The following ZNF75A variants were observed in gnomAD, a reference collection of about 807,000 sequenced individuals.
ZNF75A encodes the protein zinc finger protein 75A.
Under a neutral mutation model 46.3 loss-of-function variants are expected in ZNF75A, and 36 were observed. The observed-to-expected ratio is 0.78, with a 90% CI of 0.60 to 1.03. The LOEUF is 1.03. ZNF75A is among the 50% of genes least tolerant of loss of function. The probability of loss-of-function intolerance (pLI) is 0.00; values close to 1 mark genes in which losing one functional copy is unlikely to be tolerated. For synonymous variants in ZNF75A, 234 were observed against 189.9 expected (o/e 1.23, Z -1.91); for missense variants, 595 against 551.3 (o/e 1.08, Z -0.79).
chr16:3,307,843 A>C (rs1960407764), intron 1 of ZNF75A: 2 of 152,126 alleles, frequency 1.3e-5, no homozygotes, highest in African/African-American at 2.4e-5. Context: ...AATATTTTTA[A>C]AGTGAAGGCT....
At chr16:3,313,233 A>C in intron 5 of ZNF75A, 58 bp downstream of exon 5, 1 of 1,570,486 alleles carries the variant, frequency 6.4e-7, no homozygotes, top group Non-Finnish European at 8.7e-7. Context: ...CTTACTGAGA[A>C]GGAACCCCAG....
In ZNF75A at chr16:3,317,676, A is replaced by G. The variant is rs370290011; in HGVS notation, c.1421A>G (p.His474Arg). 2.7e-5 allele frequency: 44 copies of G among 1,614,070 alleles called. No individual in the cohort carries two copies. The highest frequency in any genetic ancestry group is 3.5e-5 in the Non-Finnish European group (41 of 1,180,032). Reference protein sequence around the residue: ...GKSFSQNTNLHTHQRTHTGEK... With the variant: ...GKSFSQNTNLRTHQRTHTGEK... ...AGCTTCAGTCAAAATACAAATTTACATACACACCAAAGAACTCATACAGGA... is the reference window on the plus strand; with the variant it reads ...AGCTTCAGTCAAAATACAAATTTACGTACACACCAAAGAACTCATACAGGA... Residue 474 changes from histidine (H) to arginine (R), a missense_variant, in exon 7 of 7, where the codon CAT becomes CGT. Transcript: ENST00000669516.
At chr16:3,305,735 G>T (rs894558283) in intron 1 of ZNF75A, 92 bp downstream of exon 1, 1 of 152,276 alleles carries the variant, frequency 6.6e-6, no homozygotes, top group South Asian at 2.1e-4. Context: ...CGTAGGCGGT[G>T]GCCGCGGCGC....
At chr16:3,310,801 C>T (rs2150807221) in intron 2 of ZNF75A, 1 of 985,466 alleles carries the variant, frequency 1.0e-6, no homozygotes, top group Non-Finnish European at 1.2e-6. Context: ...GTCTCTACTG[C>T]CTTCCCTTAA....
At position 3,317,073 on chromosome 16, in the gene ZNF75A, A is replaced by G. The variant is rs761059769; in HGVS notation, c.934+51A>G. The G allele has an allele frequency of 3.8e-6, 6 of 1,562,292 alleles. No individual in the cohort carries two copies. The South Asian group carries it at 5.8e-5, about 15-fold the overall frequency. ...AATGTGCCTTGATGTGAACTTTTGCAAGGGCTTAACATTTTAAGATTTTGT... is the reference window on the plus strand; with the variant it reads ...AATGTGCCTTGATGTGAACTTTTGCGAGGGCTTAACATTTTAAGATTTTGT... On this transcript the variant is annotated intron_variant, in intron 6 of 6. Coordinates refer to ENST00000669516, the MANE Select transcript of ZNF75A (RefSeq NM_001302109.2).
At chr16:3,321,328 A>T (rs961927832), downstream of ZNF75A, among the ~76,000 whole-genome samples, 2 of 152,178 alleles carry the variant, frequency 1.3e-5, no homozygotes, top group Non-Finnish European at 2.9e-5. Flanking sequence ...TAGCAGCCTT[A>T]CCGTGGCTTC....
chr16:3,310,731 CAG>C, intron 2 of ZNF75A: 1 of 985,534 alleles, frequency 1.0e-6, no homozygotes, highest in Non-Finnish European at 1.2e-6. Context: ...AAAATCCCAA[CAG>C]AATAGCCAAG....
At chr16:3,321,491 A>G (rs1244832903), downstream of ZNF75A, among the ~76,000 whole-genome samples, 1 of 152,020 alleles carries the variant, frequency 6.6e-6, no homozygotes, top group African/African-American at 2.4e-5. Flanking sequence ...AGAACCTCAG[A>G]TATATTTTAT....
At chr16:3,306,623 A>T (rs1596384830) in intron 1 of ZNF75A, 1 of 152,064 alleles carries the variant, frequency 6.6e-6, no homozygotes, top group African/African-American at 2.4e-5. Context: ...GAGGCAGGAG[A>T]ATGGCTTCAA....
At position 3,318,324 on chromosome 16, in the gene ZNF75A, T is replaced by G. The variant is rs1410907032; in HGVS notation, c.*455T>G. On this transcript the variant is annotated 3_prime_UTR_variant, in exon 7 of 7. Transcript: ENST00000669516. ...CAAAGTTGGACATCACTTGAGTTCC[T>G]TCTTAAACTTTTCGGCAACTTCTCT... The G allele has an allele frequency of 1.0e-6, 1 of 988,688 alleles. No individual in the cohort carries two copies. Among genetic ancestry groups the G allele is most frequent in the African/African-American group, 1.7e-5 (1 of 57,278 alleles). The allele number at this position is 988,688 out of a possible 1,614,324, so 61.2% of individuals were successfully genotyped here. A position where few individuals can be genotyped will look rare whatever the true frequency, so the allele number is the denominator to read the frequency against.
rs1205251570 is a variant in ZNF75A, at chr16:3,317,871, G to A, written c.*2G>A. On this transcript the variant is annotated 3_prime_UTR_variant, in exon 7 of 7. Transcript: ENST00000669516. Reference sequence around the variant, plus strand: ...AGACACCAGAAACTCCACCTGTGAAGAGAAGCTTGTCCAGTGTCCTCATTC... The same window carrying A: ...AGACACCAGAAACTCCACCTGTGAAAAGAAGCTTGTCCAGTGTCCTCATTC... 6.3e-7 allele frequency: 1 copy of A among 1,598,774 alleles called. No individual in the cohort carries two copies. Among genetic ancestry groups the A allele is most frequent in the East Asian group, 2.2e-5 (1 of 44,648 alleles).
At chr16:3,310,620 C>T in intron 2 of ZNF75A, 1 of 950,654 alleles carries the variant, frequency 1.1e-6, no homozygotes, top group Non-Finnish European at 1.3e-6. Context: ...AGTGAGACCC[C>T]CGTCTCAAAA....
At chr16:3,323,261 C>T (rs1469684587), downstream of ZNF75A, 3 of 803,652 alleles carry the variant, frequency 3.7e-6, no homozygotes, top group South Asian at 2.6e-5. Flanking sequence ...TGAGGAAGCC[C>T]ACTGTATTTT....
downstream of ZNF75A, among the ~76,000 whole-genome samples, chr16:3,319,135 CAG>C (rs1246169307): frequency 2.0e-5 from 3 of 152,024 alleles, no homozygotes; most frequent in African/African-American, 7.3e-5. Flanking sequence ...TTTTTTGAGA[CAG>C]AGTTTCGCTC....
At position 3,317,718 on chromosome 16, in the gene ZNF75A, G is replaced by A; in HGVS notation, c.1463G>A (p.Cys488Tyr). Residue 488 changes from cysteine to tyrosine, a missense_variant, in exon 7 of 7, where the codon TGT (cysteine) becomes TAT (tyrosine). By Grantham distance (194) the Cys-to-Tyr change is radical. Transcript: ENST00000669516. The stretch of plus-strand genomic sequence containing the variant: ...CATACAGGAGAAAAGCCCTTCACAT[G>A]TCATGAATGTGGAAAAAAATTCAGT... Reference protein sequence around the residue: ...RTHTGEKPFTCHECGKKFSQN... With the variant: ...RTHTGEKPFTYHECGKKFSQN... 6.2e-7 allele frequency: 1 copy of A among 1,614,156 alleles called. No individual in the cohort carries two copies. The highest frequency in any genetic ancestry group is 8.5e-7 in the Non-Finnish European group (1 of 1,180,024).
Position 3,318,035 on chromosome 16 carries a change from A to G in ZNF75A, c.*166A>G. 7.1e-7 allele frequency: 1 copy of G among 1,409,354 alleles called. No homozygotes were observed. 87.3% of individuals were successfully genotyped at this position (1,409,354 alleles called of 1,614,324 possible). On this transcript the variant is annotated 3_prime_UTR_variant, in exon 7 of 7. Transcript: ENST00000669516. ...ATCAAGACTTGCTCTGCAGCCACTC[A>G]GTAGTCTTCTGTGGTCACAGAAGTA...
chr16:3,309,459 A>C (rs1321698093), intron 2 of ZNF75A: 1 of 147,472 alleles, frequency 6.8e-6, no homozygotes, highest in Non-Finnish European at 1.5e-5. Flanking sequence ...CACAAAAAAA[A>C]AAAAAACAAA....
chr16:3,318,210 A>C lies in ZNF75A; in HGVS notation c.*341A>C, dbSNP rs1287562063. The C allele has an allele frequency of 2.9e-6, 3 of 1,023,714 alleles. No individual in the cohort carries two copies. The highest frequency in any genetic ancestry group is 1.8e-4 in the East Asian group (2 of 11,358). 63.4% of individuals were successfully genotyped at this position (1,023,714 alleles called of 1,614,324 possible). On this transcript the variant is annotated 3_prime_UTR_variant, in exon 7 of 7. Coordinates refer to ENST00000669516, the MANE Select transcript of ZNF75A (RefSeq NM_001302109.2). ...CACAGTAGCAGGCTTACCAATTTCC[A>C]TAGTCTCATGAGGCCGAAATGAATT...
rs780643535 is a variant in ZNF75A, at chr16:3,317,172, T to G, written c.935-18T>G. 4 of 1,592,334 alleles carry G rather than the reference T, an allele frequency of 2.5e-6. No individual in the cohort carries two copies. In the African/African-American group the frequency reaches 5.4e-5, roughly 22 times the overall value. ...CTTGTTCTGGGATACAGATGTGTGATTATGTTTATTCCAACAGGGTTAAAG... is the reference window on the plus strand; with the variant it reads ...CTTGTTCTGGGATACAGATGTGTGAGTATGTTTATTCCAACAGGGTTAAAG... On this transcript the variant is annotated intron_variant, in intron 6 of 6. Transcript: ENST00000669516.
Sources: allele counts gnomAD v4.1 joint callset (sites outside exome capture counted in the v4.1 genomes callset), GRCh38; gene constraint gnomAD v4.1.1; transcripts MANE v1.5; gene names NCBI Gene and HGNC (gene_info 2026-07-23, HGNC 2026-07-21).